MYO5A: variants seen among roughly 807,000 people sequenced by gnomAD.
The protein encoded by MYO5A is myosin VA.
A neutral mutation model predicts 249.7 loss-of-function variants in MYO5A; 98 were observed. The ratio of observed to expected loss-of-function variants is 0.39; its 90% CI spans 0.33 to 0.46. MYO5A has a LOEUF of 0.46. Among genes scored for constraint, MYO5A ranks in the 20% least tolerant of loss-of-function variants. The pLI is 0.98. For missense variants in MYO5A, 1,696 were observed against 2,308.8 expected, an observed-to-expected ratio of 0.73 and a Z score of 5.44; for synonymous variants, 778 against 810.6, an observed-to-expected ratio of 0.96 and a Z score of 0.68.
intron 3 of MYO5A, among the ~76,000 whole-genome samples, chr15:52,427,754 G>A (rs2075427817): frequency 6.6e-6 from 1 of 151,922 alleles, no homozygotes; most frequent in Non-Finnish European, 1.5e-5. Context: ...ATGGTAAGAC[G>A]TCAGCGGAGA....
chr15:52,430,035 G>A (rs1211531868), intron 2 of MYO5A, among the ~76,000 whole-genome samples: 2 of 152,200 alleles, frequency 1.3e-5, no homozygotes, highest in African/African-American at 4.8e-5. Flanking sequence ...TAGTTGTAGG[G>A]AGGGACAAGG....
intron 1 of MYO5A, among the ~76,000 whole-genome samples, chr15:52,436,244 A>G (rs539851819): frequency 6.6e-6 from 1 of 152,330 alleles, no homozygotes; most frequent in South Asian, 2.1e-4. Flanking sequence ...CATCATAGTT[A>G]ACATACAAAT....
At chr15:52,325,273 C>G (rs17707338) in intron 36 of MYO5A, among the ~76,000 whole-genome samples, 23,291 of 152,114 alleles carry the variant, frequency 0.15, 1,850 homozygotes, top group Middle Eastern at 0.22. Context: ...CAGAATAGTC[C>G]CAGCTGGATG....
At chr15:52,503,698 A>C (rs1622405) in intron 1 of MYO5A, among the ~76,000 whole-genome samples, 1 of 152,058 alleles carries the variant, frequency 6.6e-6, no homozygotes, top group Non-Finnish European at 1.5e-5. Context: ...ATAAAAACTG[A>C]ATCAAAAAAA....
In MYO5A at chr15:52,512,918, G is replaced by GAGAC. The variant is rs576071779; in HGVS notation, c.27+15858_27+15861dup. The stretch of plus-strand genomic sequence containing the variant: ...CGAGGTGGGTGGATCATGAGGTCAG[G>GAGAC]AGACGGAGACCATGCTGGTAAACAG... On this transcript the variant is annotated intron_variant, in intron 1 of 41. Transcript: ENST00000399233. Among the ~76,000 whole-genome samples, 87 of 148,212 alleles carry GAGAC rather than the reference G, an allele frequency of 5.9e-4. 1 individual carries two copies. The South Asian group carries it at 0.019, about 32-fold the overall frequency.
intron 1 of MYO5A, among the ~76,000 whole-genome samples, chr15:52,473,830 C>T (rs1595749652): frequency 1.3e-5 from 2 of 152,138 alleles, no homozygotes; most frequent in African/African-American, 4.8e-5. Flanking sequence ...TAGTGTGATG[C>T]CTCCAGCTTT....
chr15:52,508,098 T>C (rs1474169287), intron 1 of MYO5A, among the ~76,000 whole-genome samples: 1 of 152,180 alleles, frequency 6.6e-6, no homozygotes, highest in African/African-American at 2.4e-5. Context: ...CATATTACGT[T>C]ACTGTTTGTT....
chr15:52,441,632 GCTC>G (rs2075788049), intron 1 of MYO5A, among the ~76,000 whole-genome samples: 1 of 152,160 alleles, frequency 6.6e-6, no homozygotes, highest in Non-Finnish European at 1.5e-5. Context: ...TCAGCAGCAA[GCTC>G]CTATTTATTC....
chr15:52,442,050 G>T (rs2141340789), intron 1 of MYO5A, among the ~76,000 whole-genome samples: 1 of 152,246 alleles, frequency 6.6e-6, no homozygotes, highest in African/African-American at 2.4e-5. Context: ...TGTGACAGAA[G>T]GAAAAAGAGC....
intron 1 of MYO5A, among the ~76,000 whole-genome samples, chr15:52,487,884 T>C (rs1004084141): frequency 3.3e-5 from 5 of 152,140 alleles, no homozygotes; most frequent in Non-Finnish European, 4.4e-5. Context: ...GACAGCTTTA[T>C]TTCAGTCTGC....
intron 1 of MYO5A, among the ~76,000 whole-genome samples, chr15:52,454,093 G>A (rs1230796806): frequency 5.9e-5 from 9 of 151,918 alleles, no homozygotes; most frequent in Non-Finnish European, 1.3e-4. Flanking sequence ...AGAAACAAGA[G>A]TCAACTATCT....
intron 40 of MYO5A, among the ~76,000 whole-genome samples, chr15:52,315,781 A>G (rs2037977869): frequency 6.6e-6 from 1 of 151,448 alleles, no homozygotes; most frequent in Non-Finnish European, 1.5e-5. Context: ...CCTCCAGAGT[A>G]GCTGGGATTA....
At chr15:52,411,510 G>A (rs375976315) in intron 5 of MYO5A, among the ~76,000 whole-genome samples, 13 of 149,998 alleles carry the variant, frequency 8.7e-5, no homozygotes, top group Admixed American at 7.3e-4. Flanking sequence ...TAGGTAACTC[G>A]CTTCTATAAA....
chr15:52,449,103 G>A (rs1452545208), intron 1 of MYO5A, among the ~76,000 whole-genome samples: 1 of 150,662 alleles, frequency 6.6e-6, no homozygotes, highest in Non-Finnish European at 1.5e-5. Flanking sequence ...TGAGTACCTT[G>A]GATTACAGGC....
intron 10 of MYO5A, among the ~76,000 whole-genome samples, chr15:52,396,973 C>T (rs2042516275): frequency 6.6e-6 from 1 of 152,200 alleles, no homozygotes; most frequent in Non-Finnish European, 1.5e-5. Flanking sequence ...TAAGTCTATG[C>T]ACTAGCTAAG....
chr15:52,385,156 G>A (rs1272983692), intron 14 of MYO5A, among the ~76,000 whole-genome samples: 1 of 152,178 alleles, frequency 6.6e-6, no homozygotes, highest in Non-Finnish European at 1.5e-5. Flanking sequence ...ACATCTTGAT[G>A]TATGTACATA....
At position 52,466,055 on chromosome 15, in the gene MYO5A, C is replaced by T. The variant is rs370763041; in HGVS notation, c.28-32770G>A. On this transcript the variant is annotated intron_variant, in intron 1 of 41. Coordinates refer to ENST00000399233, the MANE Select transcript of MYO5A (RefSeq NM_001382347.1). ...CCAGACCACAGGAAAGTACCTTGCC[C>T]CTTCTAAGCCCTAGATCTAACATGC... Among the ~76,000 whole-genome samples the T allele has an allele frequency of 4.6e-5, 7 of 152,188 alleles. No individual in the cohort carries two copies. The South Asian group carries it at 1.5e-3, about 32-fold the overall frequency.
chr15:52,428,613 G>A, intron 2 of MYO5A, 44 bp from the exon 3 acceptor site: 2 of 1,598,754 alleles, frequency 1.3e-6, no homozygotes, highest in Middle Eastern at 1.7e-4. Context: ...TTATGGCAAG[G>A]ACTGTGAAAG....
rs75824097 is a variant in MYO5A at position 52,468,475 on chromosome 15, C to T, written c.28-35190G>A. Among the ~76,000 whole-genome samples, 1,400 of 151,962 alleles carry T rather than the reference C, an allele frequency of 9.2e-3. 17 individuals carry two copies. Among genetic ancestry groups the T allele is most frequent in the African/African-American group, 0.032 (1,333 of 41,430 alleles). ...GAGTTCAAGCCCAGCTTGGGCAAGACGGTGAGACCCCGTCTCTACAAAAAT... is the reference window on the plus strand; with the variant it reads ...GAGTTCAAGCCCAGCTTGGGCAAGATGGTGAGACCCCGTCTCTACAAAAAT... On this transcript the variant is annotated intron_variant, in intron 1 of 41. Coordinates refer to ENST00000399233, the MANE Select transcript of MYO5A (RefSeq NM_001382347.1).
Sources: allele counts gnomAD v4.1 joint callset (sites outside exome capture counted in the v4.1 genomes callset), GRCh38; gene constraint gnomAD v4.1.1; transcripts MANE v1.5; gene names NCBI Gene and HGNC (gene_info 2026-07-23, HGNC 2026-07-21).